The following TCF12 variants were observed in gnomAD, a reference collection of about 807,000 sequenced individuals.
TCF12 encodes the protein DNA-binding protein HTF4.
Under a neutral mutation model 86.0 loss-of-function variants are expected in TCF12, and 45 were observed. That is an observed-to-expected ratio of 0.52 (90% CI 0.41 to 0.67). TCF12 has a LOEUF of 0.67. Ranked by LOEUF, TCF12 falls within the 30% of genes least tolerant of loss-of-function variation. TCF12 has a pLI of 0.00. For synonymous variants in TCF12, 330 were observed against 299.6 expected, an observed-to-expected ratio of 1.10 and a Z score of -1.05; for missense variants, 881 against 859.9, an observed-to-expected ratio of 1.02 and a Z score of -0.31.
chr15:56,933,452 G>T (rs1332234516), intron 3 of TCF12, among the ~76,000 whole-genome samples: 1 of 152,088 alleles, frequency 6.6e-6, no homozygotes, highest in East Asian at 1.9e-4. Context: ...GTTTGTTTAA[G>T]GTAGTGGAAA....
intron 12 of TCF12, among the ~76,000 whole-genome samples, chr15:57,239,954 A>G (rs1420453326): frequency 1.3e-5 from 2 of 152,196 alleles, no homozygotes; most frequent in Non-Finnish European, 2.9e-5. Flanking sequence ...TCATACCTGG[A>G]TGTGATAGTT....
At chr15:57,211,543 C>T (rs950744928) in intron 8 of TCF12, among the ~76,000 whole-genome samples, 13 of 152,218 alleles carry the variant, frequency 8.5e-5, no homozygotes, top group African/African-American at 3.1e-4. Flanking sequence ...CTTTTGGACT[C>T]TTGTCTTAGA....
intron 3 of TCF12, among the ~76,000 whole-genome samples, chr15:56,948,526 C>G (rs2061115738): frequency 6.6e-6 from 1 of 152,142 alleles, no homozygotes; most frequent in Non-Finnish European, 1.5e-5. Context: ...CCTTTAAAAA[C>G]AATACCTTGA....
At chr15:57,254,453 G>C (rs550987237) in intron 16 of TCF12, among the ~76,000 whole-genome samples, 2 of 151,976 alleles carry the variant, frequency 1.3e-5, no homozygotes, top group Non-Finnish European at 2.9e-5. Flanking sequence ...TTAGATACCT[G>C]TTTTGTGTTT....
At chr15:56,946,826 A>T (rs1836715094) in intron 3 of TCF12, among the ~76,000 whole-genome samples, 2 of 126,052 alleles carry the variant, frequency 1.6e-5, no homozygotes, top group African/African-American at 5.8e-5. Flanking sequence ...TTTGAGACAG[A>T]GTCTTGCTCT....
chr15:57,166,968 C>A (rs2054941568), intron 6 of TCF12, among the ~76,000 whole-genome samples: 2 of 152,342 alleles, frequency 1.3e-5, no homozygotes, highest in South Asian at 4.1e-4. Context: ...TAATGGGCAT[C>A]TTTTCTGCCT....
At chr15:57,178,899 A>G (rs1307423026) in intron 6 of TCF12, among the ~76,000 whole-genome samples, 2 of 152,340 alleles carry the variant, frequency 1.3e-5, no homozygotes, top group African/African-American at 4.8e-5. Flanking sequence ...AATATTGCAT[A>G]TATTAAAATG....
intron 3 of TCF12, among the ~76,000 whole-genome samples, chr15:57,019,511 A>G (rs1835475): frequency 1 from 151,963 of 152,214 alleles, 75,858 homozygotes; most frequent in East Asian, 1. Flanking sequence ...AATGGGTAAT[A>G]TGGTGGCCAG....
chr15:56,926,308 G>A, intron 3 of TCF12, among the ~76,000 whole-genome samples: 1 of 115,934 alleles, frequency 8.6e-6, no homozygotes, highest in Non-Finnish European at 1.8e-5. Context: ...GGGAGACTCT[G>A]TCTCAAAAAA....
chr15:57,262,371 C>T (rs888276872), intron 17 of TCF12, among the ~76,000 whole-genome samples, 163 bp downstream of exon 17: 3 of 152,240 alleles, frequency 2.0e-5, no homozygotes, highest in Non-Finnish European at 1.5e-5. Flanking sequence ...AACTGGCCCA[C>T]CTAGGTTGAC....
chr15:57,052,350 TA>T (rs2067689692), intron 3 of TCF12, among the ~76,000 whole-genome samples: 1 of 151,950 alleles, frequency 6.6e-6, no homozygotes. Context: ...AGTGGATAAG[TA>T]AAAAACTATA....
In TCF12 at chr15:57,232,785, G is replaced by T. The variant is rs1221690820; in HGVS notation, c.899G>T (p.Gly300Val). Reference protein sequence around the residue: ...SLPPMSSFHRGSTSSSPYVAA... With the variant: ...SLPPMSSFHRVSTSSSPYVAA... ...CCACCAATGTCCAGCTTTCATCGCG[G>T]CAGTACCAGCAGTTCACCTTACGTT... Residue 300 changes from glycine (G) to valine (V), a missense_variant, in exon 11 of 21, where the codon GGC (glycine) becomes GTC (valine). Around this residue, in one of 3 missense-constraint regions of TCF12, gnomAD observed 766 missense variants for 718.9 expected, o/e 1.07. Coordinates refer to ENST00000333725, the MANE Select transcript of TCF12 (RefSeq NM_207037.2). The T allele has an allele frequency of 6.2e-7, 1 of 1,612,396 alleles. No individual in the cohort carries two copies. Among genetic ancestry groups the T allele is most frequent in the African/African-American group, 1.3e-5 (1 of 74,678 alleles).
chr15:57,249,949 CATT>C (rs1294692925), intron 13 of TCF12, among the ~76,000 whole-genome samples: 2 of 152,112 alleles, frequency 1.3e-5, no homozygotes, highest in East Asian at 3.9e-4. Flanking sequence ...ACCATTAAAA[CATT>C]GCCTTCTCTC....
intron 5 of TCF12, among the ~76,000 whole-genome samples, chr15:57,111,241 C>G (rs1246823539): frequency 1.3e-5 from 2 of 152,032 alleles, no homozygotes; most frequent in Non-Finnish European, 2.9e-5. Context: ...CATGGAGTGT[C>G]CAGATCCCAG....
chr15:57,256,504 T>C (rs2060352226), intron 16 of TCF12, among the ~76,000 whole-genome samples: 1 of 152,124 alleles, frequency 6.6e-6, no homozygotes, highest in East Asian at 1.9e-4. Context: ...TAACTAATCA[T>C]GACTAAGAAA....
At chr15:56,958,511 A>G (rs896256628) in intron 3 of TCF12, among the ~76,000 whole-genome samples, 3 of 152,180 alleles carry the variant, frequency 2.0e-5, no homozygotes, top group African/African-American at 7.2e-5. Flanking sequence ...TCCTCATTTG[A>G]TATAGCCACA....
chr15:57,024,896 G>A (rs2065728508), intron 3 of TCF12, among the ~76,000 whole-genome samples: 1 of 152,178 alleles, frequency 6.6e-6, no homozygotes, highest in African/African-American at 2.4e-5. Context: ...TTAGGAAAAG[G>A]TAAATCCTAC....
intron 18 of TCF12, among the ~76,000 whole-genome samples, chr15:57,270,120 G>C (rs938605566): frequency 1.3e-5 from 2 of 152,298 alleles, no homozygotes; most frequent in South Asian, 4.1e-4. Flanking sequence ...CTAGGTTGGG[G>C]AAGTTCTCCT....
intron 3 of TCF12, among the ~76,000 whole-genome samples, chr15:56,969,509 C>G (rs2062178755): frequency 6.7e-6 from 1 of 148,580 alleles, no homozygotes. Context: ...TTTAGATACA[C>G]TATACTATTA....
Sources: gnomAD v4.1 joint callset for allele counts (sites outside exome capture counted in the v4.1 genomes callset) on GRCh38, gnomAD v4.1.1 for gene constraint, gnomAD v4.1.1 regional missense constraint, MANE v1.5 for transcripts, NCBI Gene and HGNC (gene_info 2026-07-23, HGNC 2026-07-21) for gene names.